DACH2: variants seen among roughly 807,000 people sequenced by gnomAD.
The protein encoded by DACH2 is dachshund homolog 2.
A neutral mutation model predicts 35.8 loss-of-function variants in DACH2; 17 were observed. That is an observed-to-expected ratio of 0.48 (90% CI 0.33 to 0.71). The LOEUF (loss-of-function observed/expected upper bound fraction) is 0.71. Among genes scored for constraint, DACH2 ranks in the 30% least tolerant of loss-of-function variants. DACH2 has a pLI of 0.02. For missense variants in DACH2, 469 were observed against 472.7 expected (o/e 0.99, Z 0.07); for synonymous variants, 195 against 177.3 (o/e 1.10, Z -0.79).
At chrX:86,304,137 A>C (rs2034630728) in intron 1 of DACH2, among the ~76,000 whole-genome samples, 1 of 112,127 alleles carries the variant, frequency 8.9e-6, no homozygotes, top group Non-Finnish European at 1.9e-5. Context: ...CAGCTGCTTC[A>C]ATAAATGGTG....
chrX:86,251,803 C>A (rs1471368824), intron 1 of DACH2, among the ~76,000 whole-genome samples: 3 of 111,387 alleles, frequency 2.7e-5, no homozygotes, highest in Non-Finnish European at 5.7e-5. Context: ...TATAAACATG[C>A]GTGTACAAGT....
In DACH2 at chrX:86,485,979, A is replaced by C. The variant is rs1340321572; in HGVS notation, c.528-28300A>C. ...CTGTGTGACCTTGGGCAGAGCAATT[A>C]ACCATGTCTAAGTTTCTGGATTGCT... On this transcript the variant is annotated intron_variant, in intron 2 of 11. Coordinates refer to ENST00000373125, the MANE Select transcript of DACH2 (RefSeq NM_053281.3). Among the ~76,000 whole-genome samples, 3 of 111,989 alleles carry C rather than the reference A, an allele frequency of 2.7e-5. No individual in the cohort carries two copies. In the East Asian group the frequency reaches 8.4e-4, roughly 31 times the overall value.
At chrX:86,608,589 T>C (rs2039890915) in intron 3 of DACH2, among the ~76,000 whole-genome samples, 1 of 112,144 alleles carries the variant, frequency 8.9e-6, no homozygotes, top group African/African-American at 3.2e-5. Flanking sequence ...ATTTTCTTTC[T>C]GATTGAAATA....
chrX:86,697,962 A>G (rs898334801), intron 5 of DACH2, among the ~76,000 whole-genome samples: 2 of 112,001 alleles, frequency 1.8e-5, no homozygotes, highest in Non-Finnish European at 3.8e-5. Context: ...AGAAACACCA[A>G]ACCACAAATT....
chrX:86,547,412 T>C (rs973045346), intron 3 of DACH2, among the ~76,000 whole-genome samples: 2 of 111,206 alleles, frequency 1.8e-5, no homozygotes, highest in Non-Finnish European at 3.8e-5. Context: ...TAATTCTTTG[T>C]TATTTTCTCA....
At chrX:86,734,374 C>T (rs973156068) in intron 6 of DACH2, among the ~76,000 whole-genome samples, 1 of 110,434 alleles carries the variant, frequency 9.1e-6, no homozygotes, top group African/African-American at 3.3e-5. Context: ...TGAAAGCTGC[C>T]GTTATCTAGA....
chrX:86,644,405 T>C (rs568213185), intron 3 of DACH2, among the ~76,000 whole-genome samples: 1 of 110,907 alleles, frequency 9.0e-6, no homozygotes, highest in Admixed American at 9.6e-5. Flanking sequence ...CAAAACACTG[T>C]TCAAATAAAT....
chrX:86,182,813 A>G (rs2031542860), intron 1 of DACH2, among the ~76,000 whole-genome samples: 1 of 110,733 alleles, frequency 9.0e-6, no homozygotes, highest in Admixed American at 9.6e-5. Flanking sequence ...CATGAGATGG[A>G]ATGTTTTTCC....
Position 86,523,356 on chromosome X carries a change from A to G in DACH2, c.640+8965A>G, listed in dbSNP as rs140869183. Among the ~76,000 whole-genome samples, 638 of 111,362 alleles carry G rather than the reference A, an allele frequency of 5.7e-3. 1 individual carries two copies. The highest frequency in any genetic ancestry group is 0.011 in the Admixed American group (111 of 10,434). On this transcript the variant is annotated intron_variant, in intron 3 of 11. Coordinates refer to ENST00000373125, the MANE Select transcript of DACH2 (RefSeq NM_053281.3). Reference sequence around the variant, plus strand: ...CATGATGCATTTCAAATTTTCACTCACTTAGATTGGATGCTAAGAAGTGGT... The same window carrying G: ...CATGATGCATTTCAAATTTTCACTCGCTTAGATTGGATGCTAAGAAGTGGT...
chrX:86,763,541 C>T (rs1287829688), intron 7 of DACH2, among the ~76,000 whole-genome samples: 1 of 111,869 alleles, frequency 8.9e-6, no homozygotes, highest in African/African-American at 3.3e-5. Flanking sequence ...GCAACCTCCG[C>T]CTCCTGGGTT....
intron 1 of DACH2, among the ~76,000 whole-genome samples, chrX:86,341,051 T>C (rs2035404207): frequency 8.9e-6 from 1 of 112,238 alleles, no homozygotes; most frequent in African/African-American, 3.2e-5. Flanking sequence ...TGGAGCAAGT[T>C]ATCCAGAAGA....
At chrX:86,619,539 C>A (rs761385156) in intron 3 of DACH2, among the ~76,000 whole-genome samples, 1 of 112,069 alleles carries the variant, frequency 8.9e-6, no homozygotes, top group East Asian at 2.8e-4. Context: ...AGTAACTATT[C>A]TGAAAATTGT....
chrX:86,349,279 G>T (rs913268008), intron 1 of DACH2, among the ~76,000 whole-genome samples: 1 of 111,613 alleles, frequency 9.0e-6, no homozygotes, highest in Non-Finnish European at 1.9e-5. Flanking sequence ...GCCAAACTCC[G>T]CATCATTTCG....
chrX:86,284,358 G>T (rs1426302570), intron 1 of DACH2, among the ~76,000 whole-genome samples: 2 of 111,626 alleles, frequency 1.8e-5, no homozygotes, highest in African/African-American at 3.3e-5. Flanking sequence ...TATGGTTGTT[G>T]TTCTTCATTC....
rs72633155 is a variant in DACH2 at position 86,522,575 on chromosome X, A to C, written c.640+8184A>C. On this transcript the variant is annotated intron_variant, in intron 3 of 11. Transcript: ENST00000373125. Reference sequence around the variant, plus strand: ...AAGCAATATAAGAATACATTATAACACTAAAATAGCATTCATTTTGTGAGT... The same window carrying C: ...AAGCAATATAAGAATACATTATAACCCTAAAATAGCATTCATTTTGTGAGT... Among the ~76,000 whole-genome samples, 67 of 111,646 alleles carry C rather than the reference A, an allele frequency of 6.0e-4. No homozygotes were observed. The East Asian group carries it at 0.018, about 30-fold the overall frequency.
intron 1 of DACH2, among the ~76,000 whole-genome samples, chrX:86,224,005 C>A (rs929435683): frequency 4.5e-5 from 5 of 111,736 alleles, no homozygotes; most frequent in Admixed American, 3.8e-4. Context: ...CTTTGAAATT[C>A]TAGTTTCATA....
intron 3 of DACH2, among the ~76,000 whole-genome samples, chrX:86,523,291 A>G (rs2038584564): frequency 2.7e-5 from 3 of 111,099 alleles, no homozygotes; most frequent in African/African-American, 9.8e-5. Context: ...TATAAGGCCA[A>G]TTAACTTCAT....
chrX:86,289,113 G>C, intron 1 of DACH2, among the ~76,000 whole-genome samples: 1 of 109,208 alleles, frequency 9.2e-6, no homozygotes, highest in Non-Finnish European at 1.9e-5. Context: ...CTTCTTCCAG[G>C]TCTTGGTCAT....
At chrX:86,793,383 ATAC>A in intron 7 of DACH2, among the ~76,000 whole-genome samples, 1 of 111,152 alleles carries the variant, frequency 9.0e-6, no homozygotes, top group South Asian at 3.8e-4. Flanking sequence ...TTGAAGAAAG[ATAC>A]TAGTTAATAA....
Sources: gnomAD v4.1 joint callset for allele counts (sites outside exome capture counted in the v4.1 genomes callset) on GRCh38, gnomAD v4.1.1 for gene constraint, MANE v1.5 for transcripts, NCBI Gene and HGNC (gene_info 2026-07-23, HGNC 2026-07-21) for gene names.